The following PPFIA1 variants were observed in gnomAD, a reference collection of about 807,000 sequenced individuals.
The protein encoded by PPFIA1 is PPFI scaffold protein A1, also known as liprin-alpha-1.
Under a neutral mutation model 149.9 loss-of-function variants are expected in PPFIA1, and 25 were observed. That is an observed-to-expected ratio of 0.17 (90% confidence interval 0.12 to 0.23). The LOEUF (loss-of-function observed/expected upper bound fraction) is 0.23, where lower values mean the gene tolerates loss of function less well. Among genes scored for constraint, PPFIA1 ranks in the 10% least tolerant of loss-of-function variants. PPFIA1 has a pLI of 1.00. For missense variants in PPFIA1, 1,362 were observed against 1,506.5 expected, an observed-to-expected ratio of 0.90 and a Z score of 1.59; for synonymous variants, 549 against 552.8, an observed-to-expected ratio of 0.99 and a Z score of 0.10.
chr11:70,313,298 A>G (rs1303639658), intron 2 of PPFIA1, among the ~76,000 whole-genome samples: 41 of 152,172 alleles, frequency 2.7e-4, no homozygotes, highest in Admixed American at 2.7e-3. Flanking sequence ...AATGCAACAG[A>G]AGTGTGTGTT....
chr11:70,281,614 C>T (rs2050763672), intron 2 of PPFIA1, among the ~76,000 whole-genome samples: 1 of 152,186 alleles, frequency 6.6e-6, no homozygotes, highest in African/African-American at 2.4e-5. Flanking sequence ...TTTGTCTCCC[C>T]AGACCCTTGG....
In PPFIA1 at chr11:70,384,285, C is replaced by G. The variant is rs963394541; in HGVS notation, c.*1295C>G. On this transcript the variant is annotated 3_prime_UTR_variant, in exon 28 of 28. Coordinates refer to ENST00000253925, the MANE Select transcript of PPFIA1 (RefSeq NM_003626.5). ...TTCTGTTTTTCTATTAATCTTTTGT[C>G]AACTTCCTGATTATGTAACAAAGTA... The G allele has an allele frequency of 6.6e-6, 1 of 152,590 alleles. No individual in the cohort carries two copies. The highest frequency in any genetic ancestry group is 1.5e-5 in the Non-Finnish European group (1 of 68,030). 9.5% of individuals were successfully genotyped at this position (152,590 alleles called of 1,614,324 possible). A position where few individuals can be genotyped will look rare whatever the true frequency, so the allele number is the denominator to read the frequency against.
chr11:70,355,255 G>T (rs1235412976), intron 17 of PPFIA1, among the ~76,000 whole-genome samples: 2 of 152,108 alleles, frequency 1.3e-5, no homozygotes, highest in African/African-American at 4.8e-5. Context: ...CAATATGCAG[G>T]GGAGGCATGT....
chr11:70,348,606 G>A (rs1201647866), intron 16 of PPFIA1, among the ~76,000 whole-genome samples, 186 bp downstream of exon 16: 7 of 152,226 alleles, frequency 4.6e-5, no homozygotes, highest in South Asian at 2.1e-4. Flanking sequence ...GGGGCCGGGC[G>A]TGGTGGCTCA....
chr11:70,286,598 TG>T (rs1397983996), intron 2 of PPFIA1, among the ~76,000 whole-genome samples: 1 of 152,030 alleles, frequency 6.6e-6, no homozygotes, highest in Non-Finnish European at 1.5e-5. Flanking sequence ...CCAGGACCTG[TG>T]GGATGGACCT....
chr11:70,351,086 A>G (rs1261664928), intron 16 of PPFIA1: 1 of 904,058 alleles, frequency 1.1e-6, no homozygotes, highest in Non-Finnish European at 1.4e-6. Flanking sequence ...AGTACCTATC[A>G]TATTTTCCAT....
At position 70,372,561 on chromosome 11, in the gene PPFIA1, G is replaced by T; in HGVS notation, c.3126G>T (p.Gln1042His). 2 of 1,610,864 alleles carry T rather than the reference G, an allele frequency of 1.2e-6. No homozygotes were observed. Among genetic ancestry groups the T allele is most frequent in the South Asian group, 1.1e-5 (1 of 90,904 alleles). The change falls in exon 23 of 28, where the codon CAG (glutamine) becomes CAT (histidine). Residue 1042 changes from glutamine (Q) to histidine (H), a missense_variant. Transcript: ENST00000253925. Reference protein sequence around the residue: ...KELERKREESQSEIKDVLVWS... With the variant: ...KELERKREESHSEIKDVLVWS... Reference sequence around the variant, plus strand: ...TGGAAAGAAAAAGAGAAGAAAGTCAGAGTGAAATAAAAGGTTAGTACATGA... The same window carrying T: ...TGGAAAGAAAAAGAGAAGAAAGTCATAGTGAAATAAAAGGTTAGTACATGA...
intron 2 of PPFIA1, among the ~76,000 whole-genome samples, chr11:70,318,922 C>T (rs1002028652): frequency 6.6e-6 from 1 of 152,188 alleles, no homozygotes; most frequent in Non-Finnish European, 1.5e-5. Flanking sequence ...GGCTTGATCC[C>T]CATCTCTTCT....
chr11:70,373,002 G>C (rs1473965067), intron 23 of PPFIA1, among the ~76,000 whole-genome samples: 1 of 152,214 alleles, frequency 6.6e-6, no homozygotes, highest in Non-Finnish European at 1.5e-5. Context: ...GTGCAGTTCT[G>C]CTCCCGGAGG....
chr11:70,346,027 CT>C (rs1283120346), intron 15 of PPFIA1: 1 of 438,434 alleles, frequency 2.3e-6, no homozygotes, highest in Non-Finnish European at 4.5e-6. Flanking sequence ...TCTTTCTTGT[CT>C]CGTCAGTATT....
chr11:70,339,631 T>G (rs908960053), intron 14 of PPFIA1, among the ~76,000 whole-genome samples: 1 of 152,018 alleles, frequency 6.6e-6, no homozygotes, highest in Admixed American at 6.5e-5. Flanking sequence ...CTGTAGTTTT[T>G]TTTTTTTTTT....
chr11:70,379,670 G>A (rs1555130499), intron 26 of PPFIA1, among the ~76,000 whole-genome samples: 1 of 150,150 alleles, frequency 6.7e-6, no homozygotes, highest in Admixed American at 6.6e-5. Context: ...AATTTTTTTT[G>A]TCATCAGTCC....
At chr11:70,330,829 C>T (rs1231534669) in intron 8 of PPFIA1, among the ~76,000 whole-genome samples, 4 of 152,126 alleles carry the variant, frequency 2.6e-5, no homozygotes, top group South Asian at 2.1e-4. Context: ...CCTAGCTACT[C>T]AGGAGGCTAA....
intron 2 of PPFIA1, among the ~76,000 whole-genome samples, chr11:70,299,596 G>C (rs2136323780): frequency 1.3e-5 from 2 of 152,220 alleles, no homozygotes; most frequent in Admixed American, 1.3e-4. Context: ...CCTGTGTTTT[G>C]TGATTGTTTC....
At chr11:70,342,493 G>A (rs2055395950) in intron 14 of PPFIA1, among the ~76,000 whole-genome samples, 2 of 152,146 alleles carry the variant, frequency 1.3e-5, no homozygotes, top group Non-Finnish European at 1.5e-5. Flanking sequence ...AGTCAGACAC[G>A]GCCACTCAGC....
chr11:70,295,095 C>T (rs1300991080), intron 2 of PPFIA1, among the ~76,000 whole-genome samples: 4 of 152,164 alleles, frequency 2.6e-5, no homozygotes, highest in East Asian at 1.9e-4. Context: ...GGGTGGTGGC[C>T]GGGCAGAGGG....
At chr11:70,333,623 C>T in intron 10 of PPFIA1, 70 bp downstream of exon 10, 1 of 1,237,872 alleles carries the variant, frequency 8.1e-7, no homozygotes, top group East Asian at 2.5e-5. Context: ...CTGTGGGGAG[C>T]TCAGGGCCTC....
chr11:70,298,172 G>A (rs892070214), intron 2 of PPFIA1, among the ~76,000 whole-genome samples: 1 of 152,154 alleles, frequency 6.6e-6, no homozygotes, highest in Non-Finnish European at 1.5e-5. Context: ...TTATATCACT[G>A]CCCATGTTAC....
At chr11:70,378,544 A>G in intron 26 of PPFIA1, 2 of 816,500 alleles carry the variant, frequency 2.4e-6, no homozygotes, top group Non-Finnish European at 1.5e-6. Flanking sequence ...ATAGTAGTGT[A>G]GTAGTAGCTT....
Sources: allele counts gnomAD v4.1 joint callset (sites outside exome capture counted in the v4.1 genomes callset), GRCh38; gene constraint gnomAD v4.1.1; transcripts MANE v1.5; gene names NCBI Gene and HGNC (gene_info 2026-07-23, HGNC 2026-07-21).